The following CDK14 variants were observed in gnomAD, a reference collection of about 807,000 sequenced individuals.
The protein encoded by CDK14 is cyclin dependent kinase 14, also known as cyclin-dependent kinase 14.
In CDK14, 34 loss-of-function variants were observed where a neutral mutation model predicts 60.7. The observed-to-expected ratio is 0.56, with a 90% CI of 0.43 to 0.75. CDK14 has a LOEUF of 0.75. Among genes scored for constraint, CDK14 ranks in the 30% least tolerant of loss-of-function variants. CDK14 has a pLI of 0.00. For missense variants in CDK14, 482 were observed against 564.1 expected, an observed-to-expected ratio of 0.85 and a Z score of 1.47; for synonymous variants, 197 against 203.7, an observed-to-expected ratio of 0.97 and a Z score of 0.28.
chr7:90,800,002 A>G (rs926677137), intron 5 of CDK14, among the ~76,000 whole-genome samples: 8 of 152,160 alleles, frequency 5.3e-5, no homozygotes, highest in African/African-American at 1.4e-4. Flanking sequence ...ATTCAACACA[A>G]TATAACTCAG....
intron 9 of CDK14, among the ~76,000 whole-genome samples, chr7:90,963,752 G>T (rs1794675393): frequency 7.3e-6 from 1 of 137,644 alleles, no homozygotes; most frequent in Non-Finnish European, 1.5e-5. Flanking sequence ...GTCTTACTCG[G>T]TCACCCAGAC....
intron 8 of CDK14, among the ~76,000 whole-genome samples, chr7:90,930,043 A>G (rs936621881): frequency 6.6e-6 from 1 of 152,222 alleles, no homozygotes; most frequent in Non-Finnish European, 1.5e-5. Flanking sequence ...TCTGTTCAAC[A>G]GTAAAATTAG....
intron 8 of CDK14, among the ~76,000 whole-genome samples, chr7:90,934,402 G>A (rs1266402678): frequency 6.6e-6 from 1 of 152,262 alleles, no homozygotes; most frequent in Non-Finnish European, 1.5e-5. Flanking sequence ...GGGATAGAAG[G>A]AGAGTGATAG....
rs546034246 is a variant in CDK14 at position 90,840,979 on chromosome 7, C to T, written c.545-22196C>T. ...GAGAGTACACACTCATATGCACATA[C>T]AGGTACATATATGGTGGCATATGAA... On this transcript the variant is annotated intron_variant, in intron 5 of 14. Coordinates refer to ENST00000380050, the MANE Select transcript of CDK14 (RefSeq NM_001287135.2). Among the ~76,000 whole-genome samples the T allele has an allele frequency of 5.9e-5, 9 of 152,194 alleles. No homozygotes were observed. In the South Asian group the frequency reaches 1.9e-3, roughly 32 times the overall value.
intron 5 of CDK14, among the ~76,000 whole-genome samples, chr7:90,844,177 G>A (rs1225211267): frequency 6.6e-6 from 1 of 152,188 alleles, no homozygotes; most frequent in African/African-American, 2.4e-5. Flanking sequence ...AGTTGCATAG[G>A]CACATAATAC....
At chr7:91,155,116 G>A in intron 14 of CDK14, among the ~76,000 whole-genome samples, 1 of 152,178 alleles carries the variant, frequency 6.6e-6, no homozygotes, top group East Asian at 1.9e-4. Flanking sequence ...CCCAGGAAAA[G>A]TGAGGATTGA....
intron 14 of CDK14, among the ~76,000 whole-genome samples, chr7:91,198,012 G>C (rs1802602262): frequency 6.6e-6 from 1 of 152,190 alleles, no homozygotes; most frequent in South Asian, 2.1e-4. Context: ...ATGGGAGGGA[G>C]TTGGCAGGGG....
At chr7:91,097,243 T>C (rs1259030487) in intron 12 of CDK14, among the ~76,000 whole-genome samples, 2 of 151,906 alleles carry the variant, frequency 1.3e-5, no homozygotes, top group African/African-American at 4.8e-5. Flanking sequence ...TAGCTGGGTG[T>C]GGCGGCAGGC....
At chr7:90,751,324 T>A (rs1346201523) in intron 4 of CDK14, among the ~76,000 whole-genome samples, 1 of 152,174 alleles carries the variant, frequency 6.6e-6, no homozygotes, top group Admixed American at 6.5e-5. Context: ...ACAGCAGATT[T>A]CTCAGAAGAA....
Position 90,860,310 on chromosome 7 carries a change from T to C in CDK14, c.545-2865T>C, listed in dbSNP as rs1790963535. Among the ~76,000 whole-genome samples the C allele has an allele frequency of 2.0e-5, 3 of 152,070 alleles. No homozygotes were observed. The South Asian group carries it at 6.2e-4, about 32-fold the overall frequency. The stretch of plus-strand genomic sequence containing the variant: ...TAAGACTAAATTCACCACCTAAATT[T>C]AATAAATAATATTTTGTAAATATAT... On this transcript the variant is annotated intron_variant, in intron 5 of 14. Coordinates refer to ENST00000380050, the MANE Select transcript of CDK14 (RefSeq NM_001287135.2).
chr7:90,823,933 A>G (rs1416510079), intron 5 of CDK14, among the ~76,000 whole-genome samples: 1 of 152,232 alleles, frequency 6.6e-6, no homozygotes, highest in African/African-American at 2.4e-5. Context: ...TGGAAATAAA[A>G]ATGAATACAA....
At chr7:90,948,483 A>T (rs1326887121) in intron 8 of CDK14, among the ~76,000 whole-genome samples, 1 of 152,254 alleles carries the variant, frequency 6.6e-6, no homozygotes, top group Non-Finnish European at 1.5e-5. Flanking sequence ...TTTTCTTAGA[A>T]TCACTGAGCA....
intron 2 of CDK14, among the ~76,000 whole-genome samples, chr7:90,619,971 G>T (rs918379350): frequency 2.0e-5 from 3 of 152,150 alleles, no homozygotes; most frequent in African/African-American, 7.2e-5. Context: ...ACTCCAGCCT[G>T]GGTGACAGAG....
At chr7:90,736,070 T>G (rs1474291228) in intron 3 of CDK14, among the ~76,000 whole-genome samples, 1 of 152,064 alleles carries the variant, frequency 6.6e-6, no homozygotes, top group Non-Finnish European at 1.5e-5. Context: ...TTCACTTGGC[T>G]GGGGGAGGGA....
intron 2 of CDK14, among the ~76,000 whole-genome samples, chr7:90,650,209 GTGA>G (rs1448657612): frequency 6.6e-6 from 1 of 152,206 alleles, no homozygotes; most frequent in East Asian, 1.9e-4. Flanking sequence ...CTGATGACCA[GTGA>G]TGATGAGCAT....
chr7:90,771,719 T>C (rs1203825814), intron 4 of CDK14, among the ~76,000 whole-genome samples: 2 of 152,150 alleles, frequency 1.3e-5, no homozygotes, highest in African/African-American at 4.8e-5. Flanking sequence ...GGAGCTGAAG[T>C]GAAGCCTTGG....
At chr7:90,836,443 A>G (rs945107269) in intron 5 of CDK14, among the ~76,000 whole-genome samples, 2 of 152,156 alleles carry the variant, frequency 1.3e-5, no homozygotes, top group Middle Eastern at 3.2e-3. Flanking sequence ...AGGATTATCA[A>G]TATCTCTATC....
intron 5 of CDK14, among the ~76,000 whole-genome samples, chr7:90,807,452 A>C (rs1788900428): frequency 6.6e-6 from 1 of 152,198 alleles, no homozygotes; most frequent in Non-Finnish European, 1.5e-5. Context: ...CATCCACACC[A>C]AAAACCCATC....
intron 4 of CDK14, among the ~76,000 whole-genome samples, chr7:90,766,727 G>A (rs2116877983): frequency 6.6e-6 from 1 of 152,338 alleles, no homozygotes; most frequent in South Asian, 2.1e-4. Context: ...TCCGAGGGGA[G>A]TGGGTAGATG....
Sources: gnomAD v4.1 joint callset for allele counts (sites outside exome capture counted in the v4.1 genomes callset) on GRCh38, gnomAD v4.1.1 for gene constraint, MANE v1.5 for transcripts, NCBI Gene and HGNC (gene_info 2026-07-23, HGNC 2026-07-21) for gene names.